Variants in DPYD observed in about 807,000 individuals in gnomAD.
DPYD encodes the protein dihydropyrimidine dehydrogenase.
In DPYD, 109 loss-of-function variants were observed where a neutral mutation model predicts 116.2. The ratio of observed to expected loss-of-function variants is 0.94; its 90% confidence interval spans 0.80 to 1.10. The LOEUF (loss-of-function observed/expected upper bound fraction) is 1.10, where lower values mean the gene tolerates loss of function less well. DPYD is among the 50% of genes least tolerant of loss of function. The pLI, the probability that DPYD is intolerant of heterozygous loss-of-function variation, is 0.00. For missense variants in DPYD, 1,302 were observed against 1,254.5 expected (o/e 1.04, Z -0.57); for synonymous variants, 440 against 432.0 (o/e 1.02, Z -0.23).
chr1:97,792,281 T>TA (rs1421371037), intron 3 of DPYD, among the ~76,000 whole-genome samples: 83 of 145,676 alleles, frequency 5.7e-4, no homozygotes, highest in Middle Eastern at 3.6e-3. Flanking sequence ...TTTATTTTAT[T>TA]TTTTTTTTTT....
rs553300433 is a variant in DPYD, at chr1:97,458,604, A to C, written c.1741-8381T>G. Among the ~76,000 whole-genome samples the C allele has an allele frequency of 4.6e-5, 7 of 152,296 alleles. No homozygotes were observed. In the South Asian group the frequency reaches 1.2e-3, roughly 27 times the overall value. ...AGACAGCAGACAAAGTCTGGGACTG[A>C]GCACGTTGTTAGGTAGAGTAGAAAT... On this transcript the variant is annotated intron_variant, in intron 13 of 22. Coordinates refer to ENST00000370192, the MANE Select transcript of DPYD (RefSeq NM_000110.4).
intron 2 of DPYD, chr1:97,856,231 G>A (rs1571477739): frequency 6.6e-6 from 1 of 152,054 alleles, no homozygotes; most frequent in Non-Finnish European, 1.5e-5. Flanking sequence ...AATTGCTGGT[G>A]GAAATTTCAA....
chr1:97,346,695 T>C (rs1006391818), intron 16 of DPYD, among the ~76,000 whole-genome samples: 1 of 151,836 alleles, frequency 6.6e-6, no homozygotes, highest in Non-Finnish European at 1.5e-5. Context: ...ATTTAGTTAA[T>C]AGTTCAAAAT....
chr1:97,151,880 T>C (rs1162419718), intron 20 of DPYD, among the ~76,000 whole-genome samples: 10 of 152,140 alleles, frequency 6.6e-5, no homozygotes, highest in Non-Finnish European at 5.9e-5. Flanking sequence ...TACTATTCCA[T>C]AGAAGAATTT....
intron 13 of DPYD, among the ~76,000 whole-genome samples, chr1:97,457,190 G>T (rs183980967): frequency 1.4e-5 from 2 of 142,948 alleles, no homozygotes; most frequent in African/African-American, 4.9e-5. Flanking sequence ...CTTAAAAGAC[G>T]GGAATAATAA....
At chr1:97,502,482 T>C (rs1382059014) in intron 13 of DPYD, among the ~76,000 whole-genome samples, 2 of 151,912 alleles carry the variant, frequency 1.3e-5, no homozygotes, top group Non-Finnish European at 2.9e-5. Flanking sequence ...TTTGCTGACA[T>C]GATTTGTACA....
chr1:97,602,553 A>ATGGAT (rs1424630514), intron 8 of DPYD, among the ~76,000 whole-genome samples: 1 of 152,010 alleles, frequency 6.6e-6, no homozygotes, highest in Admixed American at 6.6e-5. Context: ...CAATGAGAAT[A>ATGGAT]TGGGTTCACC....
chr1:97,680,525 A>G (rs1660374904), intron 7 of DPYD, among the ~76,000 whole-genome samples: 1 of 152,106 alleles, frequency 6.6e-6, no homozygotes, highest in East Asian at 1.9e-4. Flanking sequence ...GCAAATGCAT[A>G]CTCCTTCCAC....
chr1:97,737,302 C>A (rs1269536081), intron 4 of DPYD, among the ~76,000 whole-genome samples: 2 of 152,054 alleles, frequency 1.3e-5, no homozygotes, highest in Non-Finnish European at 2.9e-5. Context: ...AAGGAAATGA[C>A]CTCCTGTACC....
intron 3 of DPYD, among the ~76,000 whole-genome samples, chr1:97,807,514 C>T (rs1190441778): frequency 1.3e-5 from 2 of 151,930 alleles, no homozygotes; most frequent in East Asian, 3.9e-4. Context: ...GATTTTAGTG[C>T]TTCTTTTTAT....
chr1:97,874,795 A>G (rs569318862), intron 2 of DPYD, among the ~76,000 whole-genome samples: 2 of 152,064 alleles, frequency 1.3e-5, no homozygotes, highest in Non-Finnish European at 2.9e-5. Flanking sequence ...TTCGGTCAAA[A>G]TATTTTCTGC....
chr1:97,693,290 C>T (rs1206619576), intron 6 of DPYD, among the ~76,000 whole-genome samples: 7 of 41,828 alleles, frequency 1.7e-4, no homozygotes, highest in Admixed American at 1.3e-3. Flanking sequence ...GACTCCGTCT[C>T]AAAAAAAAAA....
At chr1:97,440,878 T>C (rs1428899368) in intron 14 of DPYD, among the ~76,000 whole-genome samples, 1 of 152,228 alleles carries the variant, frequency 6.6e-6, no homozygotes, top group African/African-American at 2.4e-5. Context: ...CATTACGCAG[T>C]GTAGACCTCC....
intron 1 of DPYD, among the ~76,000 whole-genome samples, chr1:97,884,556 G>A (rs1290554676): frequency 6.6e-6 from 1 of 152,060 alleles, no homozygotes; most frequent in Non-Finnish European, 1.5e-5. Flanking sequence ...AGTGGCAGCT[G>A]AGATTGTATT....
intron 11 of DPYD, among the ~76,000 whole-genome samples, chr1:97,556,564 T>A (rs1379339088): frequency 1.4e-5 from 2 of 139,768 alleles, no homozygotes; most frequent in Non-Finnish European, 3.1e-5. Flanking sequence ...GTCCATGTGA[T>A]CTCATTGTTC....
chr1:97,373,763 C>T, intron 15 of DPYD, 119 bp from the exon 16 acceptor site: 1 of 851,156 alleles, frequency 1.2e-6, no homozygotes, highest in African/African-American at 1.7e-5. Flanking sequence ...TTTTCTGCAT[C>T]ACAGCTATCT....
chr1:97,130,712 C>A (rs1557880539), intron 20 of DPYD, among the ~76,000 whole-genome samples: 1 of 128,098 alleles, frequency 7.8e-6, no homozygotes, highest in East Asian at 2.1e-4. Flanking sequence ...CCCTCTCTCC[C>A]TCTCTCTTTC....
At chr1:97,565,454 T>A (rs1233890073) in intron 11 of DPYD, among the ~76,000 whole-genome samples, 1 of 152,120 alleles carries the variant, frequency 6.6e-6, no homozygotes, top group Non-Finnish European at 1.5e-5. Flanking sequence ...ACTCCACATA[T>A]ATTTTAGCCA....
chr1:97,089,977 GT>G (rs141794053), intron 21 of DPYD, among the ~76,000 whole-genome samples: 20 of 152,202 alleles, frequency 1.3e-4, no homozygotes, highest in African/African-American at 4.3e-4. Flanking sequence ...ATTCATAGCA[GT>G]TTAATCAGTT....
Sources: gnomAD v4.1 joint callset for allele counts (sites outside exome capture counted in the v4.1 genomes callset) on GRCh38, gnomAD v4.1.1 for gene constraint, MANE v1.5 for transcripts, NCBI Gene and HGNC (gene_info 2026-07-23, HGNC 2026-07-21) for gene names.